FTH1: variants seen among roughly 807,000 people sequenced by gnomAD.
FTH1 encodes ferritin heavy chain.
Under a neutral mutation model 21.8 loss-of-function variants are expected in FTH1, and 3 were observed. That is an observed-to-expected ratio of 0.14 (90% confidence interval 0.06 to 0.36). The LOEUF is 0.36. Among genes scored for constraint, FTH1 ranks in the 10% least tolerant of loss-of-function variants. FTH1 has a pLI of 1.00. For synonymous variants in FTH1, 83 were observed against 90.1 expected, an observed-to-expected ratio of 0.92 and a Z score of 0.45; for missense variants, 147 against 225.8, an observed-to-expected ratio of 0.65 and a Z score of 2.24.
intron 1 of FTH1, chr11:61,966,992 C>T (rs1448747308): frequency 5.2e-6 from 1 of 190,670 alleles, no homozygotes; most frequent in Non-Finnish European, 1.1e-5. Context: ...ACTCCACCTT[C>T]CTAACCGCAG....
chr11:61,967,397 C>A lies in FTH1; in HGVS notation c.29G>T (p.Arg10Leu). 4.4e-6 allele frequency: 7 copies of A among 1,604,878 alleles called. No individual in the cohort carries two copies. The highest frequency in any genetic ancestry group is 5.1e-6 in the Non-Finnish European group (6 of 1,176,664). The change falls in exon 1 of 4, where the codon CGC becomes CTC. Residue 10 changes from arginine (R) to leucine (L), a missense_variant. Coordinates refer to ENST00000273550, the MANE Select transcript of FTH1 (RefSeq NM_002032.3). ...CTCTGAGTCCTGGTGGTAGTTCTGGCGCACCTGCGAGGTGGACGCGGTCGT... is the reference window on the plus strand; with the variant it reads ...CTCTGAGTCCTGGTGGTAGTTCTGGAGCACCTGCGAGGTGGACGCGGTCGT... MTTASTSQV[R>L]QNYHQDSEAA...
rs771481657 is a variant in FTH1, at chr11:61,967,283, C to T, written c.114+29G>A. The T allele has an allele frequency of 1.1e-4, 164 of 1,458,138 alleles. No homozygotes were observed. The East Asian group carries it at 4.3e-3, about 38-fold the overall frequency. The allele number at this position is 1,458,138 out of a possible 1,614,324, so 90.3% of individuals were successfully genotyped here. A position where few individuals can be genotyped will look rare whatever the true frequency, so the allele number is the denominator to read the frequency against. On this transcript the variant is annotated intron_variant, in intron 1 of 3. Coordinates refer to ENST00000273550, the MANE Select transcript of FTH1 (RefSeq NM_002032.3). ...CGCCCCGGGAACCGCGCCCGGCCCC[C>T]GCCACCGCTTAGGCCCGCCCGCGCT...
At chr11:61,967,263 C>G (rs776746010) in intron 1 of FTH1, 49 bp downstream of exon 1, 151 of 1,301,482 alleles carry the variant, frequency 1.2e-4, no homozygotes, top group Non-Finnish European at 1.5e-4. Context: ...GCGCGCGCCC[C>G]GGGAACCGCG....
intron 1 of FTH1, among the ~76,000 whole-genome samples, chr11:61,966,726 G>C (rs1168161420): frequency 6.6e-6 from 1 of 152,244 alleles, no homozygotes; most frequent in African/African-American, 2.4e-5. Context: ...GGTGACTGCA[G>C]AAGGGGCGAT....
At chr11:61,965,203 C>T in intron 2 of FTH1, 91 bp from the exon 3 acceptor site, 1 of 1,593,510 alleles carries the variant, frequency 6.3e-7, no homozygotes, top group Non-Finnish European at 8.5e-7. Flanking sequence ...GCAAAAGGGA[C>T]ATTACTATTT....
Position 61,967,271 on chromosome 11 carries a change from G to C in FTH1, c.114+41C>G, listed in dbSNP as rs758825329. Reference sequence around the variant, plus strand: ...CGCCCCAGCGCGCGCCCCGGGAACCGCGCCCGGCCCCCGCCACCGCTTAGG... The same window carrying C: ...CGCCCCAGCGCGCGCCCCGGGAACCCCGCCCGGCCCCCGCCACCGCTTAGG... On this transcript the variant is annotated intron_variant, in intron 1 of 3. Transcript: ENST00000273550. The C allele has an allele frequency of 3.6e-5, 50 of 1,373,088 alleles. No individual in the cohort carries two copies. In the Admixed American group the frequency reaches 8.0e-4, roughly 22 times the overall value. 85.1% of individuals were successfully genotyped at this position (1,373,088 alleles called of 1,614,324 possible).
Position 61,965,575 on chromosome 11 carries a change from G to T in FTH1, c.115-60C>A, listed in dbSNP as rs761682163. ...ATCCCCAGAGACAGGTAGCTGTGAC[G>T]ATCTACAGGGAGGCAAGATGGTCTC... On this transcript the variant is annotated intron_variant, in intron 1 of 3. Coordinates refer to ENST00000273550, the MANE Select transcript of FTH1 (RefSeq NM_002032.3). The T allele has an allele frequency of 2.3e-5, 37 of 1,576,210 alleles. No individual in the cohort carries two copies. The East Asian group carries it at 6.7e-4, about 29-fold the overall frequency.
At chr11:61,965,297 A>C in intron 2 of FTH1, 72 bp downstream of exon 2, 1 of 1,602,720 alleles carries the variant, frequency 6.2e-7, no homozygotes. Context: ...GGCAATTGCT[A>C]GTTTAAGTGA....
At chr11:61,967,203 C>G (rs1038516224) in intron 1 of FTH1, 109 bp downstream of exon 1, 8 of 531,628 alleles carry the variant, frequency 1.5e-5, no homozygotes, top group Admixed American at 1.3e-4. Context: ...TCCAGAAGGG[C>G]GCAGGGAGGC....
At position 61,965,757 on chromosome 11, in the gene FTH1, C is replaced by A. The variant is rs947284979; in HGVS notation, c.115-242G>T. 2.0e-5 allele frequency among the ~76,000 whole-genome samples: 3 copies of A among 152,122 alleles called. No homozygotes were observed. The East Asian group carries it at 5.8e-4, about 29-fold the overall frequency. On this transcript the variant is annotated intron_variant, in intron 1 of 3. Coordinates refer to ENST00000273550, the MANE Select transcript of FTH1 (RefSeq NM_002032.3). ...TCCTTGAAACTTAACTTCAAGGAAC[C>A]TTTAGGATATTATGGGCATTGCCTG... is the stretch of plus-strand genomic sequence containing the variant.
intron 1 of FTH1, 149 bp from the exon 2 acceptor site, chr11:61,965,664 G>GC (rs1263366540): frequency 1.3e-6 from 1 of 798,688 alleles, no homozygotes; most frequent in East Asian, 2.5e-5. Flanking sequence ...GAGACTGGGG[G>GC]GCAGATGAGC....
chr11:61,965,961 T>C (rs796745412), intron 1 of FTH1, among the ~76,000 whole-genome samples: 5 of 152,256 alleles, frequency 3.3e-5, no homozygotes, highest in African/African-American at 9.6e-5. Flanking sequence ...CTGCCAGCTG[T>C]ACCACATATT....
chr11:61,965,850 G>A (rs1021816726), intron 1 of FTH1, among the ~76,000 whole-genome samples: 2 of 152,202 alleles, frequency 1.3e-5, no homozygotes, highest in African/African-American at 4.8e-5. Flanking sequence ...TTCATTGTCT[G>A]ATGAGAGGGC....
chr11:61,964,918 G>A, intron 3 of FTH1, 27 bp from the exon 4 acceptor site: 4 of 1,613,254 alleles, frequency 2.5e-6, no homozygotes, highest in Non-Finnish European at 3.4e-6. Context: ...AAGACAGTTA[G>A]TGGGCAGCTT....
chr11:61,965,308 T>C (rs759806634), intron 2 of FTH1, 61 bp downstream of exon 2: 120 of 1,610,514 alleles, frequency 7.5e-5, no homozygotes, highest in Non-Finnish European at 9.5e-5. Context: ...GTTTAAGTGA[T>C]TTCTGATACC....
At chr11:61,965,661 G>T (rs1205092816) in intron 1 of FTH1, 146 bp from the exon 2 acceptor site, 8 of 811,282 alleles carry the variant, frequency 9.9e-6, no homozygotes, top group Non-Finnish European at 1.5e-5. Context: ...AAGGAGACTG[G>T]GGGGCAGATG....
Position 61,964,511 on chromosome 11 carries a change from G to A in FTH1, c.*216C>T. Reference sequence around the variant, plus strand: ...CTGAACAACGGCACTTAAGGAATCTGGAAGATAGCCTGGATAGATTTCTGA... The same window carrying A: ...CTGAACAACGGCACTTAAGGAATCTAGAAGATAGCCTGGATAGATTTCTGA... On this transcript the variant is annotated 3_prime_UTR_variant, in exon 4 of 4. Coordinates refer to ENST00000273550, the MANE Select transcript of FTH1 (RefSeq NM_002032.3). The A allele has an allele frequency of 1.6e-6, 1 of 642,860 alleles. No homozygotes were observed. The highest frequency in any genetic ancestry group is 2.7e-6 in the Non-Finnish European group (1 of 373,830). 39.8% of individuals were successfully genotyped at this position (642,860 alleles called of 1,614,324 possible).
At position 61,967,337 on chromosome 11, in the gene FTH1, T is replaced by G; in HGVS notation, c.89A>C (p.Tyr30Ser). 1 of 1,601,066 alleles carries G rather than the reference T, an allele frequency of 6.2e-7. No individual in the cohort carries two copies. The highest frequency in any genetic ancestry group is 8.5e-7 in the Non-Finnish European group (1 of 1,173,226). ...CATGGACAGGTAAACGTAGGAGGCG[T>G]AGAGCTCCAGGTTGATCTGGCGGTT... The part of the protein sequence containing the change: ...AINRQINLEL[Y>S]ASYVYLSMSY... Residue 30 changes from tyrosine to serine, a missense_variant, in exon 1 of 4, where the codon TAC (tyrosine) becomes TCC (serine). Transcript: ENST00000273550.
chr11:61,964,498 A>T lies in FTH1; in HGVS notation c.*229T>A. 1 of 632,152 alleles carries T rather than the reference A, an allele frequency of 1.6e-6. No individual in the cohort carries two copies. The highest frequency in any genetic ancestry group is 2.8e-5 in the East Asian group (1 of 36,302). 39.2% of individuals were successfully genotyped at this position (632,152 alleles called of 1,614,324 possible). A position where few individuals can be genotyped will look rare whatever the true frequency, so the allele number is the denominator to read the frequency against. On this transcript the variant is annotated 3_prime_UTR_variant, in exon 4 of 4. Transcript: ENST00000273550. Reference sequence around the variant, plus strand: ...AGTGTGATTAGAACTGAACAACGGCACTTAAGGAATCTGGAAGATAGCCTG... The same window carrying T: ...AGTGTGATTAGAACTGAACAACGGCTCTTAAGGAATCTGGAAGATAGCCTG...
Sources: gnomAD v4.1 joint callset for allele counts (sites outside exome capture counted in the v4.1 genomes callset) on GRCh38, gnomAD v4.1.1 for gene constraint, MANE v1.5 for transcripts, NCBI Gene and HGNC (gene_info 2026-07-23, HGNC 2026-07-21) for gene names.